TAOK1: variants seen among roughly 807,000 people sequenced by gnomAD.
TAOK1 encodes TAO kinase 1.
A neutral mutation model predicts 138.3 loss-of-function variants in TAOK1; 21 were observed. The observed-to-expected ratio is 0.15, with a 90% confidence interval of 0.11 to 0.22. The LOEUF is 0.22. Ranked by LOEUF, TAOK1 falls within the 10% of genes least tolerant of loss-of-function variation. The probability of loss-of-function intolerance (pLI) is 1.00; values close to 1 mark genes in which losing one functional copy is unlikely to be tolerated. For missense variants in TAOK1, 651 were observed against 1,227.7 expected (o/e 0.53, Z 7.02); for synonymous variants, 361 against 398.4 (o/e 0.91, Z 1.12).
chr17:29,493,223 G>A lies in TAOK1; in HGVS notation c.831+1358G>A, dbSNP rs151227590. 1.1e-3 allele frequency among the ~76,000 whole-genome samples: 163 copies of A among 151,880 alleles called. 1 individual carries two copies. In the East Asian group the frequency reaches 0.027, roughly 26 times the overall value. On this transcript the variant is annotated intron_variant, in intron 10 of 19. Transcript: ENST00000261716. ...AGAAAAAGTAAGAATGGCCGGGCGC[G>A]GTGGCTCACTCCTGTAATCACAGCA...
chr17:29,410,869 A>G (rs1905125740), intron 1 of TAOK1, among the ~76,000 whole-genome samples: 1 of 151,594 alleles, frequency 6.6e-6, no homozygotes, highest in Non-Finnish European at 1.5e-5. Context: ...TCCTGACCTC[A>G]GGTGATCCAC....
intron 19 of TAOK1, among the ~76,000 whole-genome samples, chr17:29,540,849 C>T (rs540867969): frequency 1.3e-5 from 2 of 152,074 alleles, no homozygotes; most frequent in South Asian, 4.1e-4. Context: ...GGATTACAGT[C>T]GTGAGCCACT....
chr17:29,392,372 G>C (rs1904462772), intron 1 of TAOK1, among the ~76,000 whole-genome samples: 2 of 152,020 alleles, frequency 1.3e-5, no homozygotes, highest in African/African-American at 4.8e-5. Flanking sequence ...TTCTGCAGCT[G>C]TTTCTTTGTT....
At chr17:29,477,523 A>T (rs925715067) in intron 4 of TAOK1, 138 bp from the exon 5 acceptor site, 6 of 303,992 alleles carry the variant, frequency 2.0e-5, no homozygotes, top group East Asian at 7.6e-5. Flanking sequence ...CTATATAACT[A>T]TTTTTTTAAG....
intron 8 of TAOK1, among the ~76,000 whole-genome samples, chr17:29,485,407 C>T (rs902526736): frequency 5.9e-5 from 9 of 151,898 alleles, no homozygotes; most frequent in Admixed American, 2.6e-4. Context: ...GAGGCCAAGG[C>T]GGAAGAATTG....
rs1258927606 is a variant in TAOK1, at chr17:29,420,584, TG to T, written c.-95+29561del. Among the ~76,000 whole-genome samples the T allele has an allele frequency of 5.2e-4, 59 of 112,416 alleles. 2 individuals carry two copies. The highest frequency in any genetic ancestry group is 1.8e-3 in the South Asian group (6 of 3,248). The allele number at this position is 112,416 out of a possible 152,430, so 73.7% of individuals were successfully genotyped here. On this transcript the variant is annotated intron_variant, in intron 1 of 19. Transcript: ENST00000261716. ...TATCTTATGAGGAAAATACTTAATCTGTTTTTTTTTTTTTTTTTGAGACGAA... is the reference window on the plus strand; with the variant it reads ...TATCTTATGAGGAAAATACTTAATCTTTTTTTTTTTTTTTTTTGAGACGAA...
At chr17:29,501,159 A>G (rs1349124359) in intron 12 of TAOK1, among the ~76,000 whole-genome samples, 3 of 148,398 alleles carry the variant, frequency 2.0e-5, no homozygotes, top group African/African-American at 7.4e-5. Context: ...CTGATTCAGG[A>G]GTATCACTTG....
At chr17:29,449,274 C>T (rs2094868485) in intron 1 of TAOK1, among the ~76,000 whole-genome samples, 1 of 152,046 alleles carries the variant, frequency 6.6e-6, no homozygotes, top group Admixed American at 6.6e-5. Flanking sequence ...GCTATGGTCA[C>T]ATATTCTTGG....
rs58117433 is a variant in TAOK1, at chr17:29,394,150, G to GTTTTTTTTTTT, written c.-95+3149_-95+3159dup. Among the ~76,000 whole-genome samples, 180 of 48,284 alleles carry GTTTTTTTTTTT rather than the reference G, an allele frequency of 3.7e-3. 28 individuals carry two copies. Among genetic ancestry groups the GTTTTTTTTTTT allele is most frequent in the Non-Finnish European group, 4.5e-3 (125 of 27,598 alleles). 31.7% of individuals were successfully genotyped at this position (48,284 alleles called of 152,430 possible). On this transcript the variant is annotated intron_variant, in intron 1 of 19. Transcript: ENST00000261716. ...TATGATTTATTTTAATAATTTGCCA[G>GTTTTTTTTTTT]TTTTTTTTTTTTTTTTTTTTTTTTT... is the stretch of plus-strand genomic sequence containing the variant.
At chr17:29,522,657 T>G (rs2031939863) in intron 17 of TAOK1, 138 bp downstream of exon 17, 2 of 1,328,802 alleles carry the variant, frequency 1.5e-6, no homozygotes, top group Non-Finnish European at 2.0e-6. Flanking sequence ...TTTGGTTGAC[T>G]TTAATGTTAA....
At chr17:29,403,454 T>C (rs1288421206) in intron 1 of TAOK1, among the ~76,000 whole-genome samples, 1 of 152,204 alleles carries the variant, frequency 6.6e-6, no homozygotes, top group Non-Finnish European at 1.5e-5. Flanking sequence ...AAACCATCCA[T>C]ATCCTTGATT....
chr17:29,482,127 CTG>C, intron 7 of TAOK1, 68 bp from the exon 8 acceptor site: 4 of 1,124,658 alleles, frequency 3.6e-6, no homozygotes, highest in Non-Finnish European at 5.2e-6. Context: ...ATGTAGATGA[CTG>C]TTACATTCTC....
At chr17:29,422,032 G>A (rs570894698) in intron 1 of TAOK1, among the ~76,000 whole-genome samples, 1 of 151,886 alleles carries the variant, frequency 6.6e-6, no homozygotes, top group Non-Finnish European at 1.5e-5. Context: ...CGAGTAGCTG[G>A]GACTACAGGC....
intron 1 of TAOK1, among the ~76,000 whole-genome samples, chr17:29,394,803 G>A (rs916422654): frequency 2.6e-5 from 4 of 152,210 alleles, no homozygotes. Flanking sequence ...TCAAAAAAGT[G>A]TTATTTCTGG....
At chr17:29,541,547 G>C (rs556250964) in intron 19 of TAOK1, among the ~76,000 whole-genome samples, 2 of 151,194 alleles carry the variant, frequency 1.3e-5, no homozygotes, top group African/African-American at 2.4e-5. Flanking sequence ...AGGCTGAGGC[G>C]GGAGGATCAT....
At chr17:29,466,823 T>C (rs1306500759) in intron 2 of TAOK1, among the ~76,000 whole-genome samples, 1 of 152,210 alleles carries the variant, frequency 6.6e-6, no homozygotes, top group Non-Finnish European at 1.5e-5. Flanking sequence ...TCAAACTTTA[T>C]TAGCATAGAC....
chr17:29,443,695 A>G (rs2030004158), intron 1 of TAOK1, among the ~76,000 whole-genome samples: 1 of 152,220 alleles, frequency 6.6e-6, no homozygotes, highest in Non-Finnish European at 1.5e-5. Flanking sequence ...AATTGCTTTA[A>G]TGATACTTTC....
chr17:29,398,151 G>C (rs1455417284), intron 1 of TAOK1, among the ~76,000 whole-genome samples: 1 of 152,112 alleles, frequency 6.6e-6, no homozygotes, highest in Non-Finnish European at 1.5e-5. Flanking sequence ...TTACAGGCAT[G>C]AGCCACAGTA....
At chr17:29,502,459 T>C in intron 12 of TAOK1, 130 bp from the exon 13 acceptor site, 3 of 1,041,442 alleles carry the variant, frequency 2.9e-6, no homozygotes, top group Non-Finnish European at 4.1e-6. Flanking sequence ...GCATTTCTAC[T>C]TTTTGGCTTT....
Sources: gnomAD v4.1 joint callset for allele counts (sites outside exome capture counted in the v4.1 genomes callset) on GRCh38, gnomAD v4.1.1 for gene constraint, MANE v1.5 for transcripts, NCBI Gene and HGNC (gene_info 2026-07-23, HGNC 2026-07-21) for gene names.